The following THRB variants were observed in gnomAD, a reference collection of about 807,000 sequenced individuals.
THRB encodes the protein thyroid hormone receptor beta.
THRB carries 12 observed loss-of-function variants against 47.8 expected under a neutral mutation model. That is an observed-to-expected ratio of 0.25 (90% CI 0.16 to 0.41). THRB has a LOEUF of 0.41. Ranked by LOEUF, THRB falls within the 10% of genes least tolerant of loss-of-function variation. The pLI, the probability that THRB is intolerant of heterozygous loss-of-function variation, is 1.00. For missense variants in THRB, 348 were observed against 589.2 expected (o/e 0.59, Z 4.24); for synonymous variants, 218 against 212.2 (o/e 1.03, Z -0.24).
intron 1 of THRB, among the ~76,000 whole-genome samples, chr3:24,407,425 A>T (rs2067916880): frequency 6.6e-6 from 1 of 151,766 alleles, no homozygotes; most frequent in Non-Finnish European, 1.5e-5. Context: ...GGGGATGTGT[A>T]TATAATACCA....
intron 1 of THRB, among the ~76,000 whole-genome samples, chr3:24,389,028 T>C (rs1295773819): frequency 1.3e-5 from 2 of 152,206 alleles, no homozygotes; most frequent in Admixed American, 1.3e-4. Flanking sequence ...GTAGTATCTA[T>C]TCTTCTGCAA....
intron 1 of THRB, among the ~76,000 whole-genome samples, chr3:24,409,573 A>C (rs953061712): frequency 4.0e-5 from 6 of 151,790 alleles, no homozygotes; most frequent in African/African-American, 1.4e-4. Context: ...TACAGTAGCT[A>C]GTGTATGCCA....
intron 2 of THRB, among the ~76,000 whole-genome samples, chr3:24,298,973 C>T (rs549715184): frequency 3.3e-5 from 5 of 151,790 alleles, no homozygotes; most frequent in African/African-American, 7.3e-5. Context: ...TCAGGCCGGG[C>T]GCGGTGGCTC....
At chr3:24,177,080 T>A (rs1274413208) in intron 5 of THRB, among the ~76,000 whole-genome samples, 1 of 152,186 alleles carries the variant, frequency 6.6e-6, no homozygotes, top group Non-Finnish European at 1.5e-5. Flanking sequence ...CTCCCAGATC[T>A]AATGGAGATA....
At chr3:24,205,242 G>A (rs2045173580) in intron 4 of THRB, among the ~76,000 whole-genome samples, 1 of 152,284 alleles carries the variant, frequency 6.6e-6, no homozygotes, top group East Asian at 1.9e-4. Flanking sequence ...AATGTTAAGG[G>A]CAGCCAGAGA....
rs557195145 is a variant in THRB, at chr3:24,261,698, A to G, written c.-42-32697T>C. On this transcript the variant is annotated intron_variant, in intron 3 of 10. Transcript: ENST00000646209. ...CCACTCTTCAAAACTGTCTGAGTTA[A>G]GCCAACCCATGAGGCTCATATTGCC... is the stretch of plus-strand genomic sequence containing the variant. Among the ~76,000 whole-genome samples, 51 of 152,228 alleles carry G rather than the reference A, an allele frequency of 3.4e-4. 1 individual carries two copies. Among genetic ancestry groups the G allele is most frequent in the Admixed American group, 2.9e-3 (45 of 15,286 alleles).
chr3:24,313,643 T>C (rs1007274663), intron 2 of THRB, among the ~76,000 whole-genome samples: 3 of 152,214 alleles, frequency 2.0e-5, no homozygotes, highest in African/African-American at 4.8e-5. Flanking sequence ...TTCCCCATTA[T>C]TAAGTATTAC....
chr3:24,127,777 G>A lies in THRB; in HGVS notation c.886-20C>T. 1 of 1,614,170 alleles carries A rather than the reference G, an allele frequency of 6.2e-7. No individual in the cohort carries two copies. The highest frequency in any genetic ancestry group is 1.3e-5 in the African/African-American group (1 of 75,058). On this transcript the variant is annotated intron_variant, in intron 9 of 10. Transcript: ENST00000646209. ...TGGCAGCTGAAAAGAACCAGTTCAT[G>A]TCAGCAAAGAACAAATGCAAAAATG...
At chr3:24,258,821 G>T (rs1341412664) in intron 3 of THRB, among the ~76,000 whole-genome samples, 2 of 152,158 alleles carry the variant, frequency 1.3e-5, no homozygotes, top group African/African-American at 4.8e-5. Context: ...CTAGAACGAG[G>T]TTACCAGCAA....
chr3:24,351,909 G>C (rs2063380360), intron 1 of THRB, among the ~76,000 whole-genome samples: 1 of 152,140 alleles, frequency 6.6e-6, no homozygotes, highest in Admixed American at 6.5e-5. Context: ...AAGTTCTCTT[G>C]CATTTCCGAC....
intron 1 of THRB, among the ~76,000 whole-genome samples, chr3:24,435,572 G>A (rs930841011): frequency 1.3e-5 from 2 of 152,140 alleles, no homozygotes; most frequent in South Asian, 4.1e-4. Context: ...TACCTCTCAC[G>A]ACATTTGACA....
At chr3:24,306,932 A>C (rs2057380850) in intron 2 of THRB, among the ~76,000 whole-genome samples, 2 of 152,164 alleles carry the variant, frequency 1.3e-5, no homozygotes, top group Non-Finnish European at 2.9e-5. Flanking sequence ...TTAGTCTATC[A>C]TATCTGGTTC....
At chr3:24,417,136 A>ACGCG (rs1266327703) in intron 1 of THRB, among the ~76,000 whole-genome samples, 9 of 151,124 alleles carry the variant, frequency 6.0e-5, no homozygotes, top group African/African-American at 2.2e-4. Context: ...ACACACACAC[A>ACGCG]CACGCGCAAC....
chr3:24,342,229 C>G (rs2062711966), intron 1 of THRB, among the ~76,000 whole-genome samples: 1 of 150,454 alleles, frequency 6.6e-6, no homozygotes, highest in Admixed American at 6.6e-5. Context: ...CATCAAACAC[C>G]AGCTGTATCA....
At chr3:24,325,428 T>A (rs968598351) in intron 2 of THRB, among the ~76,000 whole-genome samples, 1 of 152,256 alleles carries the variant, frequency 6.6e-6, no homozygotes, top group Non-Finnish European at 1.5e-5. Context: ...GGTTTATGCC[T>A]GTAGTCCCAG....
intron 1 of THRB, among the ~76,000 whole-genome samples, chr3:24,377,947 A>T (rs2065416330): frequency 6.6e-6 from 1 of 152,184 alleles, no homozygotes; most frequent in Non-Finnish European, 1.5e-5. Context: ...GTAAAATGAG[A>T]GATACAGGAA....
intron 2 of THRB, among the ~76,000 whole-genome samples, chr3:24,313,804 AC>A (rs982298126): frequency 5.9e-5 from 9 of 151,992 alleles, no homozygotes; most frequent in Non-Finnish European, 8.8e-5. Context: ...AAAAAAAAAA[AC>A]AACTTTAAGA....
chr3:24,416,856 A>T (rs1276285918), intron 1 of THRB, among the ~76,000 whole-genome samples: 1 of 151,830 alleles, frequency 6.6e-6, no homozygotes, highest in African/African-American at 2.4e-5. Context: ...CCAGTTGGAT[A>T]ATGGGCTGAA....
At chr3:24,158,657 T>C (rs1463856033) in intron 5 of THRB, among the ~76,000 whole-genome samples, 1 of 152,208 alleles carries the variant, frequency 6.6e-6, no homozygotes, top group African/African-American at 2.4e-5. Context: ...CTCGAAATCC[T>C]GATCTCAGGT....
Sources: gnomAD v4.1 joint callset for allele counts (sites outside exome capture counted in the v4.1 genomes callset) on GRCh38, gnomAD v4.1.1 for gene constraint, MANE v1.5 for transcripts, NCBI Gene and HGNC (gene_info 2026-07-23, HGNC 2026-07-21) for gene names.